DDHD2: variants seen among roughly 807,000 people sequenced by gnomAD.
DDHD2 encodes triacylglycerol hydrolase DDHD2.
DDHD2 carries 62 observed loss-of-function variants against 91.2 expected under a neutral mutation model. The observed-to-expected ratio is 0.68, with a 90% CI of 0.55 to 0.84. The LOEUF (loss-of-function observed/expected upper bound fraction) is 0.84, where lower values mean the gene tolerates loss of function less well. Ranked by LOEUF, DDHD2 falls within the 40% of genes least tolerant of loss-of-function variation. The pLI, the probability that DDHD2 is intolerant of heterozygous loss-of-function variation, is 0.00. For missense variants in DDHD2, 740 were observed against 846.9 expected, an observed-to-expected ratio of 0.87 and a Z score of 1.57; for synonymous variants, 271 against 293.9, an observed-to-expected ratio of 0.92 and a Z score of 0.80.
Position 38,249,722 on chromosome 8 carries a change from C to T in DDHD2, c.1263C>T (p.Asp421=). The T allele has an allele frequency of 6.2e-7, 1 of 1,610,092 alleles. No individual in the cohort carries two copies. Among genetic ancestry groups the T allele is most frequent in the Non-Finnish European group, 8.5e-7 (1 of 1,177,356 alleles). ...TCTATGCCTAGGCTTTATGTACAGA[C>T]CGAGATCTTCAGGAAATAGGAATTC... The part of the protein sequence containing the change: ...VDKEALALCT[D]RDLQEIGIPL... Residue 421 remains aspartate, a synonymous_variant, in exon 11 of 18, where the codon GAC becomes GAT. Coordinates refer to ENST00000397166, the MANE Select transcript of DDHD2 (RefSeq NM_015214.3).
chr8:38,232,606 C>G (rs1019364563), intron 1 of DDHD2, among the ~76,000 whole-genome samples: 1 of 152,226 alleles, frequency 6.6e-6, no homozygotes, highest in South Asian at 2.1e-4. Flanking sequence ...AGGGCATGAC[C>G]CAGCTGACTT....
chr8:38,263,852 T>G, downstream of DDHD2: 1 of 985,292 alleles, frequency 1.0e-6, no homozygotes, highest in Non-Finnish European at 1.2e-6. Context: ...GCATTTAAAT[T>G]AAATGTAAAA....
intron 1 of DDHD2, chr8:38,268,387 G>T: frequency 1.9e-6 from 3 of 1,569,246 alleles, no homozygotes; most frequent in Non-Finnish European, 2.6e-6. Context: ...AGGCTTGTCT[G>T]CTGTCTCTTG....
chr8:38,241,776 A>G (rs1805284019), intron 6 of DDHD2, among the ~76,000 whole-genome samples: 1 of 149,794 alleles, frequency 6.7e-6, no homozygotes, highest in South Asian at 2.2e-4. Flanking sequence ...TTGTTAGGCC[A>G]GGCACGGTGG....
At chr8:38,237,511 CT>C in intron 3 of DDHD2, 26 bp from the exon 4 acceptor site, 2 of 1,226,696 alleles carry the variant, frequency 1.6e-6, no homozygotes, top group Non-Finnish European at 2.4e-6. Flanking sequence ...TACTAGAGAA[CT>C]CTAATGAAAT....
intron 17 of DDHD2, 93 bp downstream of exon 17, chr8:38,260,240 A>G: frequency 1.6e-6 from 1 of 644,602 alleles, no homozygotes; most frequent in East Asian, 2.8e-5. Context: ...TAAATATACT[A>G]GCTGTTGCCT....
At chr8:38,238,577 A>G (rs979906997) in intron 5 of DDHD2, 2 of 1,038,336 alleles carry the variant, frequency 1.9e-6, no homozygotes, top group Admixed American at 1.1e-4. Context: ...GTTTTTCAGC[A>G]GGACCTGATT....
intron 2 of DDHD2, among the ~76,000 whole-genome samples, 163 bp from the exon 3 acceptor site, chr8:38,234,231 G>A (rs1804519969): frequency 1.3e-5 from 2 of 152,164 alleles, no homozygotes; most frequent in Admixed American, 1.3e-4. Flanking sequence ...AAAGTAGGTA[G>A]TGAAAAAGAT....
At chr8:38,237,012 C>T (rs1017483537) in intron 3 of DDHD2, among the ~76,000 whole-genome samples, 1 of 152,028 alleles carries the variant, frequency 6.6e-6, no homozygotes, top group African/African-American at 2.4e-5. Context: ...AATTATCTAG[C>T]GTAGATGATG....
downstream of DDHD2, chr8:38,264,216 C>T (rs573490397): frequency 9.8e-5 from 89 of 911,920 alleles, 1 homozygote; most frequent in South Asian, 2.6e-3. Flanking sequence ...GGTGCGATCT[C>T]GGCTCACTGG....
At chr8:38,256,215 C>G (rs955299616) in intron 16 of DDHD2, among the ~76,000 whole-genome samples, 2 of 152,182 alleles carry the variant, frequency 1.3e-5, no homozygotes, top group African/African-American at 4.8e-5. Context: ...AGCCACTGCT[C>G]TGTTCTGCCA....
At chr8:38,269,288 A>G (rs1353227698) in intron 1 of DDHD2, 6 of 1,273,614 alleles carry the variant, frequency 4.7e-6, no homozygotes, top group Non-Finnish European at 6.1e-6. Context: ...CCCCTCTCCC[A>G]GTTGCCCGCG....
chr8:38,234,019 T>C (rs1222829693), intron 2 of DDHD2, among the ~76,000 whole-genome samples: 1 of 152,156 alleles, frequency 6.6e-6, no homozygotes, highest in Non-Finnish European at 1.5e-5. Context: ...CTTTTCTTCT[T>C]TTATAAAACA....
At chr8:38,242,932 A>T (rs887102528) in intron 7 of DDHD2, among the ~76,000 whole-genome samples, 3 of 152,142 alleles carry the variant, frequency 2.0e-5, no homozygotes, top group Non-Finnish European at 2.9e-5. Flanking sequence ...TAAATTGAGG[A>T]TATCTAGCTA....
At chr8:38,264,397 T>G, downstream of DDHD2, 2 of 1,427,292 alleles carry the variant, frequency 1.4e-6, no homozygotes, top group Non-Finnish European at 1.9e-6. Flanking sequence ...CCTCCCAAAG[T>G]GTTGGGATTA....
chr8:38,257,312 G>T (rs957887118), intron 16 of DDHD2, among the ~76,000 whole-genome samples: 1 of 132,840 alleles, frequency 7.5e-6, no homozygotes, highest in African/African-American at 2.8e-5. Context: ...GCTGTGGCAC[G>T]ATCTTGGCTC....
chr8:38,249,794 A>T lies in DDHD2; in HGVS notation c.1335A>T (p.Lys445Asn), dbSNP rs930575737. ...KKILNYFSTR[K>N]NSMGIKRPAP... ...TATTAAACTATTTCAGCACCAGAAA[A>T]AACTCAATGGTATGTGCCTAATACA... The change falls in exon 11 of 18, where the codon AAA becomes AAT. Residue 445 changes from lysine to asparagine, a missense_variant. Physicochemically the swap from Lys to Asn is moderately conservative, Grantham distance 94 (BLOSUM62 0). Around this residue, in one of 2 missense-constraint regions of DDHD2, gnomAD observed 693 missense variants for 764.2 expected, o/e 0.91. Transcript: ENST00000397166. 5 of 1,604,886 alleles carry T rather than the reference A, an allele frequency of 3.1e-6. No individual in the cohort carries two copies. Among genetic ancestry groups the T allele is most frequent in the Non-Finnish European group, 4.3e-6 (5 of 1,172,408 alleles).
At chr8:38,267,494 G>T, downstream of DDHD2, 1 of 1,362,606 alleles carries the variant, frequency 7.3e-7, no homozygotes. Context: ...GTCAAATAGT[G>T]CCCCAGGCAA....
At position 38,269,548 on chromosome 8, in the gene DDHD2, G is replaced by C. The variant is rs192686864; in HGVS notation, n.88-1574G>C. 9.9e-6 allele frequency: 3 copies of C among 304,380 alleles called. No individual in the cohort carries two copies. In the East Asian group the frequency reaches 1.9e-4, roughly 19 times the overall value. 18.9% of individuals were successfully genotyped at this position (304,380 alleles called of 1,614,324 possible). ...TGGAAAACCAAACAGCCCGCTCTCA[G>C]ATCCTCGTTCCTTAGCAACACAGCC... On this transcript the variant is annotated intron_variant and non_coding_transcript_variant, in intron 1 of 1. Coordinates refer to the DDHD2 transcript ENST00000526071.
Sources: gnomAD v4.1 joint callset for allele counts (sites outside exome capture counted in the v4.1 genomes callset) on GRCh38, gnomAD v4.1.1 for gene constraint, gnomAD v4.1.1 regional missense constraint, MANE v1.5 for transcripts, NCBI Gene and HGNC (gene_info 2026-07-23, HGNC 2026-07-21) for gene names.